KCNC4: variants seen among roughly 807,000 people sequenced by gnomAD.
KCNC4 encodes potassium voltage-gated channel subfamily C member 4, also known as voltage-gated potassium channel KCNC4.
A neutral mutation model predicts 42.8 loss-of-function variants in KCNC4; 23 were observed. The observed-to-expected ratio is 0.54, with a 90% CI of 0.39 to 0.76. The LOEUF (loss-of-function observed/expected upper bound fraction) is 0.76. Among genes scored for constraint, KCNC4 ranks in the 30% least tolerant of loss-of-function variants. The pLI is 0.00. For missense variants in KCNC4, 751 were observed against 898.2 expected (o/e 0.84, Z 2.10); for synonymous variants, 422 against 393.5 (o/e 1.07, Z -0.86).
intron 1 of KCNC4, among the ~76,000 whole-genome samples, chr1:110,266,784 C>T (rs543822408): frequency 6.6e-6 from 1 of 152,220 alleles, no homozygotes; most frequent in South Asian, 2.1e-4. Context: ...GCATCTGTAC[C>T]CCAAGGGACC....
intron 1 of KCNC4, among the ~76,000 whole-genome samples, chr1:110,280,998 C>T (rs1659810950): frequency 6.6e-6 from 1 of 152,162 alleles, no homozygotes; most frequent in Non-Finnish European, 1.5e-5. Flanking sequence ...GAGGACAGGA[C>T]CGTGAGCATC....
intron 1 of KCNC4, among the ~76,000 whole-genome samples, chr1:110,265,813 C>G (rs976528424): frequency 9.2e-5 from 14 of 152,270 alleles, no homozygotes; most frequent in Admixed American, 4.6e-4. Context: ...GGTGCTCCAG[C>G]CCCAGAGAGG....
In KCNC4 at chr1:110,211,675, G is replaced by A. The variant is rs764282684; in HGVS notation, c.176G>A (p.Gly59Glu). 4 of 1,612,328 alleles carry A rather than the reference G, an allele frequency of 2.5e-6. No individual in the cohort carries two copies. In the South Asian group the frequency reaches 3.3e-5, roughly 13 times the overall value. Reference protein sequence around the residue: ...TYRSTLRTLPGTRLAWLADPD... With the variant: ...TYRSTLRTLPETRLAWLADPD... ...CGCAGCACCCTGCGCACCCTACCGG[G>A]AACCCGCCTCGCCTGGCTGGCCGAC... The change falls in exon 1 of 4, where the codon GGA becomes GAA. Residue 59 changes from glycine to glutamate, a missense_variant. Physicochemically the swap from Gly to Glu is moderately conservative, Grantham distance 98. Around this residue, in one of 4 missense-constraint regions of KCNC4, gnomAD observed 183 missense variants for 255.8 expected, o/e 0.72. Transcript: ENST00000438661. The surrounding 1 kb of genome is among the most constrained non-coding windows in gnomAD (Gnocchi z 6.5).
intron 1 of KCNC4, among the ~76,000 whole-genome samples, chr1:110,259,213 C>T (rs1481608540): frequency 1.3e-5 from 2 of 152,160 alleles, no homozygotes; most frequent in South Asian, 4.1e-4. Flanking sequence ...AGGAATGAAT[C>T]GTAGGCCAGC....
chr1:110,277,408 T>C (rs755652451), intron 1 of KCNC4, among the ~76,000 whole-genome samples: 1 of 152,230 alleles, frequency 6.6e-6, no homozygotes, highest in South Asian at 2.1e-4. Context: ...GTTTTATTGG[T>C]GAAATGGACA....
At chr1:110,226,268 C>G (rs753875827) in intron 3 of KCNC4, 90 bp downstream of exon 3, 1 of 1,119,880 alleles carries the variant, frequency 8.9e-7, no homozygotes, top group Non-Finnish European at 1.3e-6. Context: ...CCCCCCTCCC[C>G]TGAGACCGTG....
chr1:110,222,444 C>T (rs1658150503), intron 1 of KCNC4: 1 of 155,074 alleles, frequency 6.4e-6, no homozygotes, highest in South Asian at 2.0e-4. Flanking sequence ...ATTTGTGTTT[C>T]TAACCAAAGG....
At chr1:110,250,166 C>G (rs900683395), downstream of KCNC4, among the ~76,000 whole-genome samples, 1 of 152,204 alleles carries the variant, frequency 6.6e-6, no homozygotes, top group African/African-American at 2.4e-5. Context: ...TCCCCCACCT[C>G]CCTCCTCCCA....
Position 110,255,112 on chromosome 1 carries a change from T to C in KCNC4, n.31-27422T>C, listed in dbSNP as rs536270880. On this transcript the variant is annotated intron_variant and non_coding_transcript_variant, in intron 1 of 2. Coordinates refer to the KCNC4 transcript ENST00000412512. ...TAAACTCTGGTGAGAGCAGGGAACA[T>C]ACACTCTCTTTTATTCACCCCTGTA... is the stretch of plus-strand genomic sequence containing the variant. Among the ~76,000 whole-genome samples the C allele has an allele frequency of 1.1e-4, 17 of 152,348 alleles. No homozygotes were observed. In the South Asian group the frequency reaches 3.5e-3, roughly 32 times the overall value.
In KCNC4 at chr1:110,223,781, C is replaced by G; in HGVS notation, c.1496C>G (p.Pro499Arg). 6.2e-7 allele frequency: 1 copy of G among 1,614,164 alleles called. No individual in the cohort carries two copies. The highest frequency in any genetic ancestry group is 1.1e-5 in the South Asian group (1 of 91,088). The change falls in exon 2 of 4, where the codon CCG becomes CGG. Residue 499 changes from proline to arginine, a missense_variant. Coordinates refer to ENST00000438661, the MANE Select transcript of KCNC4 (RefSeq NM_001039574.3). This position sits in a 1 kb window ranked among gnomAD's most constrained non-coding sequence, Gnocchi z 7.5. ...AAACGGAAGAAGCACGTGCCACGGCCGGCGCAGCTGGAGTCACCCATGTAC... is the reference window on the plus strand; with the variant it reads ...AAACGGAAGAAGCACGTGCCACGGCGGGCGCAGCTGGAGTCACCCATGTAC... ...PKKRKKHVPRPAQLESPMYCK... is the reference protein window; with the variant it reads ...PKKRKKHVPRRAQLESPMYCK...
At chr1:110,273,280 G>A (rs1375142834) in intron 1 of KCNC4, among the ~76,000 whole-genome samples, 1 of 152,144 alleles carries the variant, frequency 6.6e-6, no homozygotes, top group Non-Finnish European at 1.5e-5. Flanking sequence ...CCTAGGCTTG[G>A]TGCTAAGGAA....
At chr1:110,232,095 T>C in intron 3 of KCNC4, 1 of 814,216 alleles carries the variant, frequency 1.2e-6, no homozygotes, top group Non-Finnish European at 2.0e-6. Flanking sequence ...CTCCCACTGG[T>C]AAGGTAGGGG....
chr1:110,218,269 A>G (rs765925309), intron 1 of KCNC4, among the ~76,000 whole-genome samples: 1 of 152,122 alleles, frequency 6.6e-6, no homozygotes, highest in African/African-American at 2.4e-5. Flanking sequence ...CCTCAAAACA[A>G]CTGTACCAGG....
At position 110,233,071 on chromosome 1, in the gene KCNC4, C is replaced by G; in HGVS notation, c.*99C>G. The stretch of plus-strand genomic sequence containing the variant: ...AAGAATCTTTTCGCTGGGAAAGACT[C>G]AGATATCCTTGTTTGCACAGGACTG... On this transcript the variant is annotated 3_prime_UTR_variant, in exon 4 of 4. Transcript: ENST00000438661. The G allele has an allele frequency of 7.0e-7, 1 of 1,437,682 alleles. No individual in the cohort carries two copies. The highest frequency in any genetic ancestry group is 9.5e-7 in the Non-Finnish European group (1 of 1,053,302). The allele number at this position is 1,437,682 out of a possible 1,614,324, so 89.1% of individuals were successfully genotyped here.
chr1:110,226,520 C>CA (rs1477140420), intron 3 of KCNC4, among the ~76,000 whole-genome samples: 1 of 152,224 alleles, frequency 6.6e-6, no homozygotes, highest in East Asian at 1.9e-4. Context: ...CCCCATTCCA[C>CA]AGGGTCACTG....
At chr1:110,236,123 C>G (rs2784149), downstream of KCNC4, 113,430 of 152,188 alleles carry the variant, frequency 0.75, 42,670 homozygotes, top group African/African-American at 0.84. Context: ...CCTCATTTCA[C>G]TGAAGTCCTT....
At chr1:110,235,088 G>A (rs949057407), downstream of KCNC4, 1 of 152,400 alleles carries the variant, frequency 6.6e-6, no homozygotes, top group Non-Finnish European at 1.5e-5. Context: ...TGAGATCTCC[G>A]TGTCCAGCTG....
At chr1:110,218,647 C>T (rs921107270) in intron 1 of KCNC4, among the ~76,000 whole-genome samples, 6 of 152,058 alleles carry the variant, frequency 3.9e-5, no homozygotes, top group African/African-American at 9.7e-5. Context: ...ACTTGGTAGG[C>T]GCTCCCTTTT....
At position 110,226,138 on chromosome 1, in the gene KCNC4, C is replaced by T; in HGVS notation, c.1779C>T (p.Ser593=). 6.2e-7 allele frequency: 1 copy of T among 1,614,184 alleles called. No individual in the cohort carries two copies. The highest frequency in any genetic ancestry group is 8.5e-7 in the Non-Finnish European group (1 of 1,180,028). The change falls in exon 3 of 4, where the codon AGC becomes AGT. Residue 593 remains serine, a synonymous_variant. Transcript: ENST00000438661. ...NKKAAACFLL[S]TGDYACADGS... ...AGGCAGCTGCCTGCTTCCTGCTCAG[C>T]ACTGGGGACTATGCCTGCGCCGATG...
Sources: gnomAD v4.1 joint callset for allele counts (sites outside exome capture counted in the v4.1 genomes callset) on GRCh38, gnomAD v4.1.1 for gene constraint, gnomAD v4.1.1 regional missense constraint, Gnocchi (gnomAD v3.1) non-coding constraint, MANE v1.5 for transcripts, NCBI Gene and HGNC (gene_info 2026-07-23, HGNC 2026-07-21) for gene names.